The following AGBL1 variants were observed in gnomAD, a reference collection of about 807,000 sequenced individuals.
The protein encoded by AGBL1 is AGBL carboxypeptidase 1.
A neutral mutation model predicts 118.9 loss-of-function variants in AGBL1; 130 were observed. The ratio of observed to expected loss-of-function variants is 1.09; its 90% CI spans 0.95 to 1.26. The LOEUF is 1.26. Ranked by LOEUF, AGBL1 falls within the 50% of genes most tolerant of loss-of-function variation. The pLI, the probability that AGBL1 is intolerant of heterozygous loss-of-function variation, is 0.00. For missense variants in AGBL1, 1,584 were observed against 1,298.1 expected (o/e 1.22, Z -3.38); for synonymous variants, 555 against 478.9 (o/e 1.16, Z -2.08).
At chr15:86,429,324 G>A (rs1023997278) in intron 18 of AGBL1, among the ~76,000 whole-genome samples, 2 of 152,184 alleles carry the variant, frequency 1.3e-5, no homozygotes, top group Non-Finnish European at 2.9e-5. Context: ...CATGGGATGG[G>A]CCTATTCTAC....
chr15:86,964,021 C>CTCTCTCTCTCTG (rs2081021753), intron 23 of AGBL1, among the ~76,000 whole-genome samples: 1 of 141,914 alleles, frequency 7.0e-6, no homozygotes, highest in Non-Finnish European at 1.5e-5. Context: ...CTCTCTCTCT[C>CTCTCTCTCTCTG]TCTCTCTCTC....
chr15:87,013,114 G>T (rs2081577388), intron 24 of AGBL1, among the ~76,000 whole-genome samples: 1 of 152,118 alleles, frequency 6.6e-6, no homozygotes, highest in Non-Finnish European at 1.5e-5. Context: ...AATTGCGGTG[G>T]CTTCACTCCA....
chr15:86,624,525 T>A (rs2084856187), intron 21 of AGBL1, among the ~76,000 whole-genome samples: 1 of 152,234 alleles, frequency 6.6e-6, no homozygotes, highest in Non-Finnish European at 1.5e-5. Flanking sequence ...TTTCAGTTCT[T>A]CATATCTACT....
At chr15:86,478,290 T>G (rs2082592959) in intron 18 of AGBL1, among the ~76,000 whole-genome samples, 2 of 152,166 alleles carry the variant, frequency 1.3e-5, no homozygotes, top group Admixed American at 1.3e-4. Context: ...AGAAGTCAAA[T>G]TGTTGCTGTT....
At chr15:86,303,342 G>A (rs1223364700) in intron 17 of AGBL1, among the ~76,000 whole-genome samples, 2 of 152,122 alleles carry the variant, frequency 1.3e-5, no homozygotes, top group Non-Finnish European at 2.9e-5. Flanking sequence ...TAGGTCTAGG[G>A]AAATGGGAGG....
At chr15:86,144,197 G>A (rs2077002539) in intron 3 of AGBL1, among the ~76,000 whole-genome samples, 1 of 152,208 alleles carries the variant, frequency 6.6e-6, no homozygotes, top group African/African-American at 2.4e-5. Flanking sequence ...GGAGAAAAAG[G>A]AACACTTATA....
intron 18 of AGBL1, among the ~76,000 whole-genome samples, chr15:86,446,542 C>G (rs1748830478): frequency 6.6e-6 from 1 of 152,174 alleles, no homozygotes; most frequent in Admixed American, 6.5e-5. Context: ...TATGCAAATG[C>G]CTGCAAAGTT....
chr15:86,680,756 A>G (rs1173241798), intron 22 of AGBL1, among the ~76,000 whole-genome samples: 1 of 151,220 alleles, frequency 6.6e-6, no homozygotes, highest in Non-Finnish European at 1.5e-5. Context: ...TAGTAGAGAC[A>G]GGTTTTCACC....
intron 9 of AGBL1, among the ~76,000 whole-genome samples, chr15:86,261,493 G>A (rs1032257246): frequency 2.0e-5 from 3 of 152,230 alleles, no homozygotes; most frequent in South Asian, 4.1e-4. Context: ...ATGGAACATT[G>A]CATTTTTTTG....
intron 6 of AGBL1, among the ~76,000 whole-genome samples, chr15:86,232,488 G>A (rs1335320591): frequency 6.6e-6 from 1 of 152,164 alleles, no homozygotes; most frequent in East Asian, 1.9e-4. Context: ...TTAGCAGCTT[G>A]CGTGTCTTGA....
intron 21 of AGBL1, among the ~76,000 whole-genome samples, chr15:86,654,084 C>G (rs1396716302): frequency 6.6e-6 from 1 of 152,120 alleles, no homozygotes; most frequent in Non-Finnish European, 1.5e-5. Flanking sequence ...TGCAGAGTTT[C>G]ACTGATAATC....
chr15:86,500,091 A>C (rs192041781), intron 18 of AGBL1, among the ~76,000 whole-genome samples: 1 of 151,908 alleles, frequency 6.6e-6, no homozygotes, highest in East Asian at 1.9e-4. Context: ...TTGCCAGACA[A>C]AATGGACAAC....
chr15:86,922,325 C>G (rs1043984764), intron 23 of AGBL1, among the ~76,000 whole-genome samples: 22 of 152,230 alleles, frequency 1.4e-4, no homozygotes, highest in Non-Finnish European at 2.9e-5. Flanking sequence ...AAGTCTCGCT[C>G]TGTCACCCAG....
rs147405388 is a variant in AGBL1 at position 86,316,391 on chromosome 15, C to G, written c.2374+20983C>G. On this transcript the variant is annotated intron_variant, in intron 17 of 22. Coordinates refer to ENST00000614907, the MANE Select transcript of AGBL1 (RefSeq NM_001386094.1). ...ACACGGCTTATACTAAAGAACCACA[C>G]CCACTCATGCCGTGGGTGGACAGGA... is the stretch of plus-strand genomic sequence containing the variant. Among the ~76,000 whole-genome samples the G allele has an allele frequency of 4.3e-4, 65 of 152,290 alleles. 1 individual carries two copies. In the East Asian group the frequency reaches 0.012, roughly 28 times the overall value.
At chr15:86,253,923 T>G (rs1371011916) in intron 7 of AGBL1, among the ~76,000 whole-genome samples, 3 of 152,148 alleles carry the variant, frequency 2.0e-5, no homozygotes, top group African/African-American at 7.2e-5. Flanking sequence ...AGGACCATTC[T>G]GGCTGCCATT....
intron 18 of AGBL1, among the ~76,000 whole-genome samples, chr15:86,520,791 G>T (rs148107397): frequency 8.4e-4 from 128 of 152,330 alleles, no homozygotes; most frequent in African/African-American, 2.8e-3. Flanking sequence ...CAGTCAAAGA[G>T]AATCCTGGGG....
At chr15:86,978,364 G>C (rs1240306805) in intron 23 of AGBL1, among the ~76,000 whole-genome samples, 1 of 152,202 alleles carries the variant, frequency 6.6e-6, no homozygotes, top group Admixed American at 6.5e-5. Context: ...ATATATTAGT[G>C]ATGGTCATAA....
At chr15:86,208,180 A>T (rs1250921883) in intron 5 of AGBL1, among the ~76,000 whole-genome samples, 2 of 152,136 alleles carry the variant, frequency 1.3e-5, no homozygotes, top group Non-Finnish European at 2.9e-5. Flanking sequence ...CTACTTGATC[A>T]TGGTGGATAA....
intron 22 of AGBL1, among the ~76,000 whole-genome samples, chr15:86,756,683 G>T (rs557318840): frequency 3.3e-5 from 5 of 152,126 alleles, no homozygotes; most frequent in African/African-American, 1.2e-4. Flanking sequence ...TGAAGTAGAG[G>T]GTGCAGCATT....
Sources: allele counts gnomAD v4.1 joint callset (sites outside exome capture counted in the v4.1 genomes callset), GRCh38; gene constraint gnomAD v4.1.1; transcripts MANE v1.5; gene names NCBI Gene and HGNC (gene_info 2026-07-23, HGNC 2026-07-21).